MRI1: variants seen among roughly 807,000 people sequenced by gnomAD.
MRI1 encodes methylthioribose-1-phosphate isomerase 1, also known as methylthioribose-1-phosphate isomerase.
Under a neutral mutation model 27.3 loss-of-function variants are expected in MRI1, and 32 were observed. That is an observed-to-expected ratio of 1.17 (90% confidence interval 0.88 to 1.57). MRI1 has a LOEUF of 1.57. Among genes scored for constraint, MRI1 ranks in the 40% most tolerant of loss-of-function variants. MRI1 has a pLI of 0.00. For synonymous variants in MRI1, 216 were observed against 227.4 expected, an observed-to-expected ratio of 0.95 and a Z score of 0.45; for missense variants, 508 against 516.1, an observed-to-expected ratio of 0.98 and a Z score of 0.15.
Position 13,764,947 on chromosome 19 carries a change from C to T in MRI1, c.209C>T (p.Pro70Leu), listed in dbSNP as rs1302757867. Residue 70 changes from proline (P) to leucine (L), a missense_variant, in exon 2 of 6, where the codon CCG (proline) becomes CTG (leucine). Transcript: ENST00000040663. ...GAGCTGCAGGCGGGCGCCGGGGGAC[C>T]GGGACTCGCCGCGCTCGTGGCCTTC... ...AVELQAGAGG[P>L]GLAALVAFVR... 4.0e-6 allele frequency: 6 copies of T among 1,504,364 alleles called. No individual in the cohort carries two copies. The Admixed American group carries it at 6.2e-5, about 15-fold the overall frequency. The allele number at this position is 1,504,364 out of a possible 1,614,324, so 93.2% of individuals were successfully genotyped here. A position where few individuals can be genotyped will look rare whatever the true frequency, so the allele number is the denominator to read the frequency against.
Position 13,769,021 on chromosome 19 carries a change from G to A in MRI1, c.922G>A (p.Val308Ile), listed in dbSNP as rs769956765. 5.0e-6 allele frequency: 8 copies of A among 1,613,124 alleles called. No homozygotes were observed. Among genetic ancestry groups the A allele is most frequent in the Admixed American group, 1.7e-5 (1 of 59,940 alleles). ...EERPGQELTD[V>I]NGVRIAAPGI... is the part of the protein sequence containing the mutation. ...GCGACCGGGCCAGGAGCTGACCGAT[G>A]TTAATGGGGTCCGGATTGCAGCACC... Residue 308 changes from valine (V) to isoleucine (I), a missense_variant, in exon 5 of 6, where the codon GTT becomes ATT. Transcript: ENST00000040663.
intron 5 of MRI1, 132 bp from the exon 6 acceptor site, chr19:13,771,989 G>T: frequency 1.3e-6 from 1 of 760,182 alleles, no homozygotes; most frequent in Non-Finnish European, 2.1e-6. Context: ...ATGTACTTTT[G>T]GGGTGAGAAT....
At chr19:13,770,050 C>T (rs1974237296) in intron 5 of MRI1, among the ~76,000 whole-genome samples, 1 of 152,196 alleles carries the variant, frequency 6.6e-6, no homozygotes, top group Non-Finnish European at 1.5e-5. Flanking sequence ...ATCCTCCTGC[C>T]TCAGCCTCCC....
intron 5 of MRI1, 63 bp from the exon 6 acceptor site, chr19:13,772,058 A>C: frequency 6.7e-7 from 1 of 1,494,492 alleles, no homozygotes; most frequent in Non-Finnish European, 9.1e-7. Context: ...ACAGATGACT[A>C]CAACCTGAGA....
rs772747341 is a variant in MRI1 at position 13,768,688 on chromosome 19, T to TA, written c.676dup (p.Ile226AsnfsTer13). On this transcript the variant is annotated frameshift_variant, in exon 4 of 6. Coordinates refer to ENST00000040663, the MANE Select transcript of MRI1 (RefSeq NM_001031727.4). LOFTEE classifies it high-confidence loss of function. ...TCTATGAGCAGATCCCCGCCACCCT[T>TA]ATCACCGACAGCATGGTGGCTGCTG... is the stretch of plus-strand genomic sequence containing the variant. The TA allele has an allele frequency of 6.2e-7, 1 of 1,613,976 alleles. No homozygotes were observed. The highest frequency in any genetic ancestry group is 8.5e-7 in the Non-Finnish European group (1 of 1,180,000).
rs1974323071 is a variant in MRI1, at chr19:13,773,809, C to T, written c.*1528C>T. The T allele has an allele frequency of 6.6e-6, 1 of 152,364 alleles. No homozygotes were observed. Among genetic ancestry groups the T allele is most frequent in the Non-Finnish European group, 1.5e-5 (1 of 68,066 alleles). 9.4% of individuals were successfully genotyped at this position (152,364 alleles called of 1,614,324 possible). On this transcript the variant is annotated 3_prime_UTR_variant, in exon 6 of 6. Coordinates refer to ENST00000040663, the MANE Select transcript of MRI1 (RefSeq NM_001031727.4). Reference sequence around the variant, plus strand: ...AGTAGCTGGGATTACAGGAGCCTGGCACTATGCCTGGCTAATTTTTGTATT... The same window carrying T: ...AGTAGCTGGGATTACAGGAGCCTGGTACTATGCCTGGCTAATTTTTGTATT...
At position 13,774,146 on chromosome 19, in the gene MRI1, T is replaced by C; in HGVS notation, c.*1865T>C. On this transcript the variant is annotated 3_prime_UTR_variant, in exon 6 of 6. Coordinates refer to ENST00000040663, the MANE Select transcript of MRI1 (RefSeq NM_001031727.4). Reference sequence around the variant, plus strand: ...TATTGTTTACTATTACCAAAGTTTTTGAACCTTCTTAAATTCTGTACCAGA... The same window carrying C: ...TATTGTTTACTATTACCAAAGTTTTCGAACCTTCTTAAATTCTGTACCAGA... 4.1e-6 allele frequency: 1 copy of C among 244,870 alleles called. No homozygotes were observed. The highest frequency in any genetic ancestry group is 7.8e-6 in the Non-Finnish European group (1 of 128,980). The allele number at this position is 244,870 out of a possible 1,614,324, so 15.2% of individuals were successfully genotyped here.
In MRI1 at chr19:13,773,746, CT is replaced by C. The variant is rs1278179041; in HGVS notation, c.*1467del. On this transcript the variant is annotated 3_prime_UTR_variant, in exon 6 of 6. Transcript: ENST00000040663. ...CATCTCAGCTCACTGCAACCTCCGC[CT>C]TCTGGGTTCAAGCGACTCTCCTGCC... The C allele has an allele frequency of 6.6e-6, 1 of 152,346 alleles. No homozygotes were observed. The highest frequency in any genetic ancestry group is 2.4e-5 in the African/African-American group (1 of 41,470). 9.4% of individuals were successfully genotyped at this position (152,346 alleles called of 1,614,324 possible). A position where few individuals can be genotyped will look rare whatever the true frequency, so the allele number is the denominator to read the frequency against.
At position 13,767,029 on chromosome 19, in the gene MRI1, ATATATATATTTTTTTTTT is replaced by A. The variant is rs1346180398; in HGVS notation, c.547+902_547+919del. On this transcript the variant is annotated intron_variant, in intron 3 of 5. Coordinates refer to ENST00000040663, the MANE Select transcript of MRI1 (RefSeq NM_001031727.4). Reference sequence around the variant, plus strand: ...TCCACATATATATATATATATATATATATATATATTTTTTTTTTTTTTTTTTTTTTTTTTTTTGAGACA... The same window carrying A: ...TCCACATATATATATATATATATATATTTTTTTTTTTTTTTTTTTGAGACA... Among the ~76,000 whole-genome samples, 274 of 42,134 alleles carry A rather than the reference ATATATATATTTTTTTTTT, an allele frequency of 6.5e-3. 2 individuals are homozygous for A. The highest frequency in any genetic ancestry group is 0.016 in the African/African-American group (255 of 16,090). 27.6% of individuals were successfully genotyped at this position (42,134 alleles called of 152,430 possible).
intron 3 of MRI1, among the ~76,000 whole-genome samples, chr19:13,767,008 C>CATATATAT (rs1250741648): frequency 3.8e-4 from 19 of 49,582 alleles, no homozygotes; most frequent in African/African-American, 1.0e-3. Context: ...TGCACATCCA[C>CATATATAT]ATATATATAT....
chr19:13,768,379 A>C (rs541895914), intron 3 of MRI1, 182 bp from the exon 4 acceptor site: 1 of 1,501,528 alleles, frequency 6.7e-7, no homozygotes, highest in South Asian at 1.2e-5. Flanking sequence ...GAGCTATGCG[A>C]GCATTGGGAA....
intron 5 of MRI1, among the ~76,000 whole-genome samples, chr19:13,770,357 G>A (rs755913592): frequency 1.1e-4 from 16 of 152,156 alleles, no homozygotes; most frequent in Non-Finnish European, 2.4e-4. Flanking sequence ...GGCGGAGGTG[G>A]GCGGATCACT....
rs1974197496 is a variant in MRI1, at chr19:13,768,624, C to T, written c.611C>T (p.Pro204Leu). The T allele has an allele frequency of 6.2e-7, 1 of 1,613,340 alleles. No homozygotes were observed. Among genetic ancestry groups the T allele is most frequent in the African/African-American group, 1.3e-5 (1 of 74,934 alleles). The part of the protein sequence containing the change: ...LEHAFCTETR[P>L]YNQGARLTAF... ...CATGCCTTCTGCACAGAGACCCGGCCCTACAACCAGGGAGCCCGGCTGACG... is the reference window on the plus strand; with the variant it reads ...CATGCCTTCTGCACAGAGACCCGGCTCTACAACCAGGGAGCCCGGCTGACG... Residue 204 changes from proline to leucine, a missense_variant, in exon 4 of 6, where the codon CCC becomes CTC. Pro to Leu is a moderately conservative substitution (Grantham distance 98). This residue lies in a region of MRI1 where 457 missense variants were observed against 452.8 expected (regional missense o/e 1.01). Coordinates refer to ENST00000040663, the MANE Select transcript of MRI1 (RefSeq NM_001031727.4).
rs1458228183 is a variant in MRI1, at chr19:13,764,667, T to A, written c.79T>A (p.Tyr27Asn). 6.3e-7 allele frequency: 1 copy of A among 1,599,574 alleles called. No individual in the cohort carries two copies. ...DQLLLPKQSRYEAVGSVHQAW... is the reference protein window; with the variant it reads ...DQLLLPKQSRNEAVGSVHQAW... ...GCTGCTGCTGCCCAAGCAGAGCCGC[T>A]ACGAGGCGGTGGGCTCGGTGCACCA... The change falls in exon 1 of 6, where the codon TAC becomes AAC. Residue 27 changes from tyrosine to asparagine, a missense_variant. Tyr to Asn is a moderately radical substitution (Grantham distance 143). Transcript: ENST00000040663.
Position 13,768,993 on chromosome 19 carries a change from A to G in MRI1, c.894A>G (p.Glu298=). The G allele has an allele frequency of 6.2e-7, 1 of 1,613,968 alleles. No homozygotes were observed. The highest frequency in any genetic ancestry group is 8.5e-7 in the Non-Finnish European group (1 of 1,179,954). The change falls in exon 5 of 6, where the codon GAA becomes GAG. Residue 298 remains glutamate, a synonymous_variant. Coordinates refer to ENST00000040663, the MANE Select transcript of MRI1 (RefSeq NM_001031727.4). ...AGACCGGCAAGGAGATCATTATTGA[A>G]GAGCGACCGGGCCAGGAGCTGACCG... ...RLETGKEIII[E]ERPGQELTDV...
In MRI1 at chr19:13,772,547, G is replaced by A; in HGVS notation, c.*266G>A. The A allele has an allele frequency of 3.2e-6, 1 of 314,544 alleles. No individual in the cohort carries two copies. The highest frequency in any genetic ancestry group is 5.9e-6 in the Non-Finnish European group (1 of 168,294). The allele number at this position is 314,544 out of a possible 1,614,324, so 19.5% of individuals were successfully genotyped here. A position where few individuals can be genotyped will look rare whatever the true frequency, so the allele number is the denominator to read the frequency against. ...CCTCATTTATAAAATGTGGATAACA[G>A]GCCGGGCGCAGTGGCTCACACCTGT... On this transcript the variant is annotated 3_prime_UTR_variant, in exon 6 of 6. Transcript: ENST00000040663.
chr19:13,767,031 ATATATATTTTTTTT>A (rs1317407506), intron 3 of MRI1, among the ~76,000 whole-genome samples: 11 of 29,094 alleles, frequency 3.8e-4, no homozygotes, highest in African/African-American at 1.6e-3. Context: ...ATATATATAT[ATATATATTTTTTTT>A]TTTTTTTTTT....
chr19:13,766,259 C>T, intron 3 of MRI1, 130 bp downstream of exon 3: 2 of 806,058 alleles, frequency 2.5e-6, no homozygotes, highest in Non-Finnish European at 3.6e-6. Flanking sequence ...AGTACGGAAA[C>T]ACTTATACAG....
rs1170108927 is a variant in MRI1, at chr19:13,767,861, C to CTTTTTTTTTTTTTTTTTTTTTTTT, written c.548-698_548-675dup. The stretch of plus-strand genomic sequence containing the variant: ...TCTTTTCAAGTATTTTCTTTCTTTC[C>CTTTTTTTTTTTTTTTTTTTTTTTT]TTTTTTTTTTTTTTTTTTTTTTTTT... On this transcript the variant is annotated intron_variant, in intron 3 of 5. Transcript: ENST00000040663. Among the ~76,000 whole-genome samples the CTTTTTTTTTTTTTTTTTTTTTTTT allele has an allele frequency of 6.2e-4, 38 of 61,080 alleles. 2 individuals are homozygous for CTTTTTTTTTTTTTTTTTTTTTTTT. The highest frequency in any genetic ancestry group is 1.2e-3 in the South Asian group (2 of 1,652). The allele number at this position is 61,080 out of a possible 152,430, so 40.1% of individuals were successfully genotyped here. A position where few individuals can be genotyped will look rare whatever the true frequency, so the allele number is the denominator to read the frequency against.
Sources: gnomAD v4.1 joint callset for allele counts (sites outside exome capture counted in the v4.1 genomes callset) on GRCh38, gnomAD v4.1.1 for gene constraint, gnomAD v4.1.1 regional missense constraint, MANE v1.5 for transcripts, NCBI Gene and HGNC (gene_info 2026-07-23, HGNC 2026-07-21) for gene names.